Variants in CCDC117 observed in about 807,000 individuals in gnomAD.
The protein encoded by CCDC117 is coiled-coil domain containing 117.
A neutral mutation model predicts 23.5 loss-of-function variants in CCDC117; 1 was observed. The observed-to-expected ratio is 0.04, with a 90% CI of 0.02 to 0.20. The LOEUF is 0.20. Ranked by LOEUF, CCDC117 falls within the 10% of genes least tolerant of loss-of-function variation. CCDC117 has a pLI of 1.00. For missense variants in CCDC117, 383 were observed against 348.2 expected (o/e 1.10, Z -0.80); for synonymous variants, 132 against 124.8 (o/e 1.06, Z -0.39).
At chr22:28,780,511 A>G (rs1172091879) in intron 2 of CCDC117, among the ~76,000 whole-genome samples, 1 of 152,118 alleles carries the variant, frequency 6.6e-6, no homozygotes, top group Non-Finnish European at 1.5e-5. Context: ...TCATGGTTTG[A>G]ATTAGCGTCT....
At chr22:28,774,180 G>A (rs2031092057) in intron 2 of CCDC117, among the ~76,000 whole-genome samples, 1 of 148,444 alleles carries the variant, frequency 6.7e-6, no homozygotes, top group Admixed American at 6.8e-5. Context: ...CCATTCTCCT[G>A]CCTCAGCCTC....
chr22:28,779,325 T>G (rs1177947292), intron 2 of CCDC117, among the ~76,000 whole-genome samples: 1 of 151,780 alleles, frequency 6.6e-6, no homozygotes, highest in East Asian at 1.9e-4. Flanking sequence ...GCCTTGGCCT[T>G]CCTAGTAGCT....
In CCDC117 at chr22:28,773,709, T is replaced by G; in HGVS notation, c.186-16T>G. The G allele has an allele frequency of 6.2e-7, 1 of 1,608,508 alleles. No individual in the cohort carries two copies. The highest frequency in any genetic ancestry group is 1.3e-5 in the African/African-American group (1 of 74,822). ...AGTACATTTCTTAATTGACTGATTT[T>G]TGTTTGTTTCAACAGTGTTTCTGTT... is the stretch of plus-strand genomic sequence containing the variant. On this transcript the variant is annotated splice_polypyrimidine_tract_variant and intron_variant, in intron 1 of 4. Coordinates refer to ENST00000249064, the MANE Select transcript of CCDC117 (RefSeq NM_173510.4).
chr22:28,782,004 A>T (rs568450302), intron 3 of CCDC117, among the ~76,000 whole-genome samples: 1 of 139,192 alleles, frequency 7.2e-6, no homozygotes, highest in East Asian at 2.3e-4. Flanking sequence ...GTTGGAGTGC[A>T]GTGGCTCACT....
Position 28,778,335 on chromosome 22 carries a change from C to T in CCDC117, c.240-2613C>T, listed in dbSNP as rs566412197. ...AATTTAAAAATCACTAGGTCGGGTG[C>T]GGTGGCTCATGCCTGTAATCCTAGC... On this transcript the variant is annotated intron_variant, in intron 2 of 4. Transcript: ENST00000249064. Among the ~76,000 whole-genome samples, 4 of 150,956 alleles carry T rather than the reference C, an allele frequency of 2.6e-5. 1 individual carries two copies. Among genetic ancestry groups the T allele is most frequent in the Non-Finnish European group, 5.9e-5 (4 of 67,854 alleles).
rs188759776 is a variant in CCDC117 at position 28,778,445 on chromosome 22, T to C, written c.240-2503T>C. Among the ~76,000 whole-genome samples the C allele has an allele frequency of 4.9e-4, 75 of 152,066 alleles. 1 individual carries two copies. In the East Asian group the frequency reaches 0.014, roughly 28 times the overall value. On this transcript the variant is annotated intron_variant, in intron 2 of 4. Transcript: ENST00000249064. The stretch of plus-strand genomic sequence containing the variant: ...CAACATGGTGAAACCTCTTCTCTCT[T>C]AAAAATACAAAAGTCAGCCGGGCGT...
At chr22:28,781,344 T>G (rs868447286) in intron 3 of CCDC117, among the ~76,000 whole-genome samples, 172 bp downstream of exon 3, 80 of 5,304 alleles carry the variant, frequency 0.015, no homozygotes, top group Middle Eastern at 0.05. Context: ...TGTTTTTTTT[T>G]TTTTTTTTTT....
At chr22:28,773,909 C>T (rs1601418573) in intron 2 of CCDC117, 131 bp downstream of exon 2, 1 of 732,936 alleles carries the variant, frequency 1.4e-6, no homozygotes, top group Non-Finnish European at 2.4e-6. Context: ...AAATTAGTGA[C>T]ATTGGTTGTC....
chr22:28,781,345 T>TTTG (rs1569198940), intron 3 of CCDC117, among the ~76,000 whole-genome samples, 173 bp downstream of exon 3: 13 of 8,704 alleles, frequency 1.5e-3, no homozygotes, highest in Non-Finnish European at 2.1e-3. Flanking sequence ...GTTTTTTTTT[T>TTTG]TTTTTTTTTT....
rs1041466590 is a variant in CCDC117 at position 28,787,280 on chromosome 22, C to G, written c.*954C>G. ...TCACCCTCCCAAGTAGCTGGGATTA[C>G]AGGTGCCCACCTCCACGCCCAGCTA... is the stretch of plus-strand genomic sequence containing the variant. On this transcript the variant is annotated 3_prime_UTR_variant, in exon 5 of 5. Coordinates refer to ENST00000249064, the MANE Select transcript of CCDC117 (RefSeq NM_173510.4). 1 of 151,864 alleles carries G rather than the reference C, an allele frequency of 6.6e-6. No homozygotes were observed. Among genetic ancestry groups the G allele is most frequent in the African/African-American group, 2.4e-5 (1 of 41,306 alleles). The allele number at this position is 151,864 out of a possible 1,614,324, so 9.4% of individuals were successfully genotyped here. A position where few individuals can be genotyped will look rare whatever the true frequency, so the allele number is the denominator to read the frequency against.
intron 4 of CCDC117, 33 bp from the exon 5 acceptor site, chr22:28,786,056 T>C: frequency 6.6e-7 from 1 of 1,521,362 alleles, no homozygotes; most frequent in Non-Finnish European, 8.9e-7. Context: ...TGTCCTAAAA[T>C]TTTTTGATAA....
chr22:28,780,332 A>G (rs577349720), intron 2 of CCDC117, among the ~76,000 whole-genome samples: 1 of 152,302 alleles, frequency 6.6e-6, no homozygotes, highest in African/African-American at 2.4e-5. Context: ...CACACCTGTA[A>G]TATTAATACT....
intron 2 of CCDC117, among the ~76,000 whole-genome samples, chr22:28,776,462 G>A (rs905297927): frequency 3.3e-5 from 5 of 149,846 alleles, no homozygotes; most frequent in African/African-American, 1.2e-4. Flanking sequence ...TTGCTCTGTT[G>A]CTCAGGCTGG....
intron 2 of CCDC117, 53 bp from the exon 3 acceptor site, chr22:28,780,895 C>A: frequency 1.5e-6 from 2 of 1,319,794 alleles, no homozygotes; most frequent in South Asian, 1.3e-5. Flanking sequence ...GAATGATAAA[C>A]ATTTCATTTA....
At chr22:28,773,406 G>C (rs1007095798) in intron 1 of CCDC117, 4 of 294,890 alleles carry the variant, frequency 1.4e-5, no homozygotes, top group Non-Finnish European at 1.9e-5. Flanking sequence ...GCATGGGACA[G>C]AAATGGGTCC....
intron 2 of CCDC117, among the ~76,000 whole-genome samples, chr22:28,774,948 G>A (rs1046813785): frequency 6.6e-6 from 1 of 152,074 alleles, no homozygotes; most frequent in African/African-American, 2.4e-5. Flanking sequence ...ATAGAGAGAG[G>A]TTTACGTAAT....
intron 4 of CCDC117, among the ~76,000 whole-genome samples, chr22:28,785,354 A>G (rs1280094292): frequency 6.6e-6 from 1 of 151,768 alleles, no homozygotes; most frequent in East Asian, 1.9e-4. Context: ...ACACCCAGCT[A>G]ATTTTTGTAT....
At position 28,773,003 on chromosome 22, in the gene CCDC117, A is replaced by G. The variant is rs2031034821; in HGVS notation, c.154A>G (p.Ser52Gly). 5.9e-6 allele frequency: 7 copies of G among 1,187,340 alleles called. No individual in the cohort carries two copies. Among genetic ancestry groups the G allele is most frequent in the Non-Finnish European group, 7.3e-6 (7 of 959,240 alleles). The allele number at this position is 1,187,340 out of a possible 1,614,324, so 73.6% of individuals were successfully genotyped here. The change falls in exon 1 of 5, where the codon AGC becomes GGC. Residue 52 changes from serine to glycine, a missense_variant. Physicochemically the swap from Ser to Gly is moderately conservative, Grantham distance 56. Transcript: ENST00000249064. Reference protein sequence around the residue: ...APRPGPRAVPSSPAGSAARGR... With the variant: ...APRPGPRAVPGSPAGSAARGR... ...GCGGCCGGGACCTCGCGCAGTCCCT[A>G]GCAGTCCCGCTGGGAGTGCGGCGCG...
At position 28,781,330 on chromosome 22, in the gene CCDC117, G is replaced by GTTTTGT. The variant is rs2031313467; in HGVS notation, c.464+163_464+168dup. On this transcript the variant is annotated intron_variant, in intron 3 of 4. Coordinates refer to ENST00000249064, the MANE Select transcript of CCDC117 (RefSeq NM_173510.4). ...AAAGTGTATTCGTTTTTGTTTTTTTGTTTTGTTTTTTTTTTTTTTTTTTTT... is the reference window on the plus strand; with the variant it reads ...AAAGTGTATTCGTTTTTGTTTTTTTGTTTTGTTTTTGTTTTTTTTTTTTTTTTTTTT... 2.4e-4 allele frequency among the ~76,000 whole-genome samples: 9 copies of GTTTTGT among 37,628 alleles called. 1 individual carries two copies. The highest frequency in any genetic ancestry group is 3.1e-4 in the Admixed American group (1 of 3,234). 24.7% of individuals were successfully genotyped at this position (37,628 alleles called of 152,430 possible).
Sources: allele counts gnomAD v4.1 joint callset (sites outside exome capture counted in the v4.1 genomes callset), GRCh38; gene constraint gnomAD v4.1.1; transcripts MANE v1.5; gene names NCBI Gene and HGNC (gene_info 2026-07-23, HGNC 2026-07-21).